Variants in DOCK7 observed in about 807,000 individuals in gnomAD.
The protein encoded by DOCK7 is dedicator of cytokinesis 7.
DOCK7 carries 138 observed loss-of-function variants against 271.0 expected under a neutral mutation model. The observed-to-expected ratio is 0.51, with a 90% CI of 0.44 to 0.59. DOCK7 has a LOEUF of 0.59. Among genes scored for constraint, DOCK7 ranks in the 20% least tolerant of loss-of-function variants. The pLI, the probability that DOCK7 is intolerant of heterozygous loss-of-function variation, is 0.00. For synonymous variants in DOCK7, 823 were observed against 876.1 expected, an observed-to-expected ratio of 0.94 and a Z score of 1.07; for missense variants, 2,066 against 2,592.4, an observed-to-expected ratio of 0.80 and a Z score of 4.41.
At chr1:62,536,742 A>G (rs1645357479) in intron 28 of DOCK7, among the ~76,000 whole-genome samples, 1 of 152,248 alleles carries the variant, frequency 6.6e-6, no homozygotes, top group Non-Finnish European at 1.5e-5. Flanking sequence ...AACAAAATTA[A>G]GAAGTATTAA....
intron 31 of DOCK7, among the ~76,000 whole-genome samples, chr1:62,514,408 A>G (rs1214678405): frequency 6.6e-6 from 1 of 152,124 alleles, no homozygotes; most frequent in Non-Finnish European, 1.5e-5. Context: ...GTAAAAAGCT[A>G]TTTCTACTTA....
At chr1:62,544,616 AAAAAATTT>A (rs962809014) in intron 23 of DOCK7, among the ~76,000 whole-genome samples, 3 of 152,192 alleles carry the variant, frequency 2.0e-5, no homozygotes, top group African/African-American at 7.2e-5. Context: ...TCCTCCACGT[AAAAAATTT>A]AAAAATTGCT....
chr1:62,616,662 G>A (rs1202409120), intron 14 of DOCK7, among the ~76,000 whole-genome samples: 1 of 151,674 alleles, frequency 6.6e-6, no homozygotes, highest in Non-Finnish European at 1.5e-5. Flanking sequence ...CCAGAATTAT[G>A]TAATGTATAA....
intron 48 of DOCK7, among the ~76,000 whole-genome samples, chr1:62,471,066 A>G (rs1168506274): frequency 6.6e-6 from 1 of 152,192 alleles, no homozygotes; most frequent in African/African-American, 2.4e-5. Context: ...CTTAATGAAG[A>G]GTAAAATATA....
At chr1:62,683,863 A>G (rs553938993) in intron 1 of DOCK7, among the ~76,000 whole-genome samples, 2 of 151,910 alleles carry the variant, frequency 1.3e-5, no homozygotes, top group Non-Finnish European at 2.9e-5. Context: ...GGGGGCAGAG[A>G]CTTCAGTGAG....
chr1:62,601,980 T>C (rs892443494), intron 14 of DOCK7: 17 of 702,858 alleles, frequency 2.4e-5, no homozygotes, highest in Admixed American at 1.1e-4. Context: ...TACATATATA[T>C]ATGAAATATA....
chr1:62,583,693 T>C (rs1304535675), intron 15 of DOCK7, among the ~76,000 whole-genome samples: 1 of 152,158 alleles, frequency 6.6e-6, no homozygotes, highest in Non-Finnish European at 1.5e-5. Context: ...ATATATGATA[T>C]CAGAAATCCT....
intron 14 of DOCK7, chr1:62,597,849 GAAGA>G: frequency 6.2e-7 from 1 of 1,603,830 alleles, no homozygotes. Context: ...AATCAAAGAA[GAAGA>G]AAAGGAACTG....
Position 62,604,913 on chromosome 1 carries a change from T to C in DOCK7, c.1682+13793A>G, listed in dbSNP as rs530919457. 6 of 1,323,862 alleles carry C rather than the reference T, an allele frequency of 4.5e-6. No individual in the cohort carries two copies. The South Asian group carries it at 7.4e-5, about 16-fold the overall frequency. The allele number at this position is 1,323,862 out of a possible 1,614,324, so 82.0% of individuals were successfully genotyped here. A position where few individuals can be genotyped will look rare whatever the true frequency, so the allele number is the denominator to read the frequency against. On this transcript the variant is annotated intron_variant, in intron 14 of 49. Transcript: ENST00000635253. Reference sequence around the variant, plus strand: ...GGTATTAAATCCTTAAGAGAAAGCTTGAGAAATAGATTTTTTTTATCTTAA... The same window carrying C: ...GGTATTAAATCCTTAAGAGAAAGCTCGAGAAATAGATTTTTTTTATCTTAA...
chr1:62,530,881 C>T (rs1645154139), intron 29 of DOCK7: 1 of 152,640 alleles, frequency 6.6e-6, no homozygotes, highest in Admixed American at 6.5e-5. Context: ...TAAGACACCT[C>T]CCCTGGCTCC....
chr1:62,615,894 T>C (rs1652378419), intron 14 of DOCK7, among the ~76,000 whole-genome samples: 1 of 151,780 alleles, frequency 6.6e-6, no homozygotes, highest in Non-Finnish European at 1.5e-5. Flanking sequence ...TTCATTTTTA[T>C]ACTTGAAAAA....
At chr1:62,543,777 A>AACATTAACGTTTG in intron 23 of DOCK7, 32 bp from the exon 24 acceptor site, 1 of 1,515,270 alleles carries the variant, frequency 6.6e-7, no homozygotes, top group African/African-American at 1.4e-5. Flanking sequence ...ATGACGAGAT[A>AACATTAACGTTTG]ACATTAACGT....
At chr1:62,456,777 C>T (rs1006516683) in intron 49 of DOCK7, among the ~76,000 whole-genome samples, 2 of 151,946 alleles carry the variant, frequency 1.3e-5, no homozygotes, top group Non-Finnish European at 2.9e-5. Context: ...GATCTCTGAC[C>T]TGGTGGGTAT....
chr1:62,467,441 C>A (rs1645712063), intron 48 of DOCK7, among the ~76,000 whole-genome samples: 1 of 152,080 alleles, frequency 6.6e-6, no homozygotes, highest in Non-Finnish European at 1.5e-5. Flanking sequence ...AGCAGCAGTG[C>A]CAGAAAACAA....
chr1:62,623,526 T>C (rs575089504), intron 12 of DOCK7, among the ~76,000 whole-genome samples: 1 of 152,356 alleles, frequency 6.6e-6, no homozygotes, highest in Admixed American at 6.5e-5. Context: ...GTAGATGGCT[T>C]ATTGATTTAT....
chr1:62,688,335 C>T lies in DOCK7; in HGVS notation c.-71G>A, dbSNP rs1572032100. The T allele has an allele frequency of 9.6e-7, 1 of 1,047,092 alleles. No individual in the cohort carries two copies. Among genetic ancestry groups the T allele is most frequent in the Non-Finnish European group, 1.2e-6 (1 of 834,798 alleles). The allele number at this position is 1,047,092 out of a possible 1,614,324, so 64.9% of individuals were successfully genotyped here. On this transcript the variant is annotated 5_prime_UTR_variant, in exon 1 of 50. Coordinates refer to ENST00000635253, the MANE Select transcript of DOCK7 (RefSeq NM_001367561.1). ...GGTGCGGACCGGCGGGCGCGTGCCT[C>T]CTCGCTCGTGCTCCCTCCCTCGCGG...
At chr1:62,575,127 G>A (rs1490783762) in intron 18 of DOCK7, among the ~76,000 whole-genome samples, 6 of 152,216 alleles carry the variant, frequency 3.9e-5, no homozygotes, top group East Asian at 1.9e-4. Flanking sequence ...GTGCAGCCTC[G>A]AACTCCAGAA....
At chr1:62,682,008 G>T (rs1285357503) in intron 1 of DOCK7, among the ~76,000 whole-genome samples, 4 of 151,734 alleles carry the variant, frequency 2.6e-5, no homozygotes, top group Non-Finnish European at 5.9e-5. Context: ...CTTAAGAAGG[G>T]GTAAGATTTA....
At position 62,552,898 on chromosome 1, in the gene DOCK7, G is replaced by A. The variant is rs768058208; in HGVS notation, c.2600C>T (p.Pro867Leu). The stretch of plus-strand genomic sequence containing the variant: ...ATGCACTGATCCTCCCAAACCCCCA[G>A]GACCTAGAGTTGTATATGAAATAGC... The part of the protein sequence containing the change: ...NTYPNSSSPG[P>L]GGLGGSVHYA... The change falls in exon 22 of 50, where the codon CCT becomes CTT. Residue 867 changes from proline (P) to leucine (L), a missense_variant. By Grantham distance (98) the Pro-to-Leu change is moderately conservative. Around this residue, in one of 2 missense-constraint regions of DOCK7, gnomAD observed 1,414 missense variants for 1,670.4 expected, o/e 0.85. Coordinates refer to ENST00000635253, the MANE Select transcript of DOCK7 (RefSeq NM_001367561.1). 1 of 1,600,218 alleles carries A rather than the reference G, an allele frequency of 6.2e-7. No individual in the cohort carries two copies. The highest frequency in any genetic ancestry group is 8.5e-7 in the Non-Finnish European group (1 of 1,172,650).
Sources: allele counts gnomAD v4.1 joint callset (sites outside exome capture counted in the v4.1 genomes callset), GRCh38; gene constraint gnomAD v4.1.1; regional missense constraint gnomAD v4.1.1; transcripts MANE v1.5; gene names NCBI Gene and HGNC (gene_info 2026-07-23, HGNC 2026-07-21).